PARD3: variants seen among roughly 807,000 people sequenced by gnomAD.
The protein encoded by PARD3 is par-3 family cell polarity regulator, also known as partitioning defective 3 homolog.
PARD3 carries 75 observed loss-of-function variants against 155.4 expected under a neutral mutation model. The ratio of observed to expected loss-of-function variants is 0.48; its 90% CI spans 0.40 to 0.58. The LOEUF (loss-of-function observed/expected upper bound fraction) is 0.58. Ranked by LOEUF, PARD3 falls within the 20% of genes least tolerant of loss-of-function variation. The pLI, the probability that PARD3 is intolerant of heterozygous loss-of-function variation, is 0.00. For missense variants in PARD3, 1,642 were observed against 1,721.7 expected (o/e 0.95, Z 0.82); for synonymous variants, 576 against 610.5 (o/e 0.94, Z 0.83).
chr10:34,562,817 G>A (rs534582029), intron 2 of PARD3, among the ~76,000 whole-genome samples: 1 of 151,804 alleles, frequency 6.6e-6, no homozygotes, highest in South Asian at 2.1e-4. Context: ...CTGGAGTACA[G>A]TGGCTCCATC....
chr10:34,519,883 A>AACATAACATC (rs1247502593), intron 2 of PARD3, among the ~76,000 whole-genome samples: 1 of 145,568 alleles, frequency 6.9e-6, no homozygotes, highest in African/African-American at 2.5e-5. Context: ...AACATAACAT[A>AACATAACATC]AAAATAGAAA....
chr10:34,510,487 T>C (rs1447030756), intron 3 of PARD3, among the ~76,000 whole-genome samples: 1 of 152,216 alleles, frequency 6.6e-6, no homozygotes, highest in Admixed American at 6.5e-5. Context: ...CTATTATATA[T>C]TAATAATCAC....
chr10:34,126,945 G>A (rs1207126031), intron 23 of PARD3, among the ~76,000 whole-genome samples: 3 of 151,928 alleles, frequency 2.0e-5, no homozygotes, highest in Non-Finnish European at 4.4e-5. Context: ...GCTAATACAA[G>A]CCAAGTTGTC....
chr10:34,634,612 A>C (rs2092399951), intron 2 of PARD3, among the ~76,000 whole-genome samples: 1 of 152,252 alleles, frequency 6.6e-6, no homozygotes, highest in Non-Finnish European at 1.5e-5. Flanking sequence ...TTCAATAAGA[A>C]GGAAAGAAAC....
In PARD3 at chr10:34,174,448, A is replaced by T. The variant is rs188289454; in HGVS notation, c.3420-42865T>A. On this transcript the variant is annotated intron_variant, in intron 22 of 24. Coordinates refer to ENST00000374788, the MANE Select transcript of PARD3 (RefSeq NM_001184785.2). ...TGAAACTGTATTCACTACAGAAAAG[A>T]AATGCTTGTGTTACACATTGAAGGT... is the stretch of plus-strand genomic sequence containing the variant. 1.1e-4 allele frequency among the ~76,000 whole-genome samples: 16 copies of T among 152,350 alleles called. No individual in the cohort carries two copies. In the East Asian group the frequency reaches 3.1e-3, roughly 29 times the overall value.
chr10:34,185,870 T>A (rs995860696), intron 22 of PARD3, among the ~76,000 whole-genome samples: 10 of 146,088 alleles, frequency 6.8e-5, no homozygotes, highest in African/African-American at 2.5e-4. Context: ...CATAGGAATA[T>A]CCATATTACA....
intron 1 of PARD3, among the ~76,000 whole-genome samples, chr10:34,746,063 C>T (rs1043618697): frequency 3.3e-5 from 5 of 152,080 alleles, no homozygotes; most frequent in African/African-American, 1.2e-4. Flanking sequence ...GATCGCACCG[C>T]TGCACTCCAG....
Position 34,799,658 on chromosome 10 carries a change from C to T in PARD3, c.120+15218G>A, listed in dbSNP as rs75716604. On this transcript the variant is annotated intron_variant, in intron 1 of 24. Transcript: ENST00000374788. The stretch of plus-strand genomic sequence containing the variant: ...TGCACATCAGTTTGTCATGGTATAG[C>T]AACTCACTGTGCAGGCTCTGAAGTT... 3.5e-3 allele frequency among the ~76,000 whole-genome samples: 531 copies of T among 152,240 alleles called. 5 individuals are homozygous for T. The highest frequency in any genetic ancestry group is 0.011 in the African/African-American group (472 of 41,548).
intron 22 of PARD3, among the ~76,000 whole-genome samples, chr10:34,259,787 G>C (rs1035121809): frequency 6.6e-6 from 1 of 152,148 alleles, no homozygotes; most frequent in Non-Finnish European, 1.5e-5. Context: ...GAAGCAAATA[G>C]CTAGATGGTA....
At chr10:34,606,829 T>C (rs2090498841) in intron 2 of PARD3, among the ~76,000 whole-genome samples, 1 of 151,590 alleles carries the variant, frequency 6.6e-6, no homozygotes, top group East Asian at 1.9e-4. Flanking sequence ...TAGCTGGGCA[T>C]GGTGGTGCAC....
At chr10:34,622,917 A>G (rs1000335435) in intron 2 of PARD3, among the ~76,000 whole-genome samples, 6 of 151,164 alleles carry the variant, frequency 4.0e-5, no homozygotes, top group African/African-American at 1.5e-4. Context: ...TGAAGAGTGT[A>G]AAGTGGGTCT....
chr10:34,636,121 A>C (rs184928663), intron 2 of PARD3, among the ~76,000 whole-genome samples: 283 of 152,284 alleles, frequency 1.9e-3, no homozygotes, highest in African/African-American at 6.2e-3. Context: ...AAGGAAGAAG[A>C]AGAAGCCAAA....
chr10:34,596,336 G>C (rs2089253782), intron 2 of PARD3, among the ~76,000 whole-genome samples: 1 of 151,770 alleles, frequency 6.6e-6, no homozygotes, highest in African/African-American at 2.4e-5. Flanking sequence ...CCTTGTATTA[G>C]TCTGATCTCA....
At chr10:34,244,953 A>G (rs886460747) in intron 22 of PARD3, among the ~76,000 whole-genome samples, 3 of 152,182 alleles carry the variant, frequency 2.0e-5, no homozygotes, top group Non-Finnish European at 4.4e-5. Flanking sequence ...CCACAGCCCT[A>G]TGTATGAGAC....
chr10:34,486,923 G>A (rs927798441), intron 3 of PARD3, among the ~76,000 whole-genome samples: 6 of 151,872 alleles, frequency 4.0e-5, no homozygotes, highest in Non-Finnish European at 5.9e-5. Flanking sequence ...TGGCAGTCAC[G>A]GATCCTCATC....
intron 2 of PARD3, 41 bp from the exon 3 acceptor site, chr10:34,517,200 C>T: frequency 1.3e-6 from 2 of 1,563,090 alleles, no homozygotes; most frequent in Non-Finnish European, 1.7e-6. Flanking sequence ...AATAAAGGCA[C>T]TTAATTAACT....
At chr10:34,380,721 T>C (rs187523905) in intron 9 of PARD3, among the ~76,000 whole-genome samples, 3 of 152,254 alleles carry the variant, frequency 2.0e-5, no homozygotes, top group African/African-American at 7.2e-5. Flanking sequence ...TTGTCAAATA[T>C]CCTAATTTTT....
intron 1 of PARD3, among the ~76,000 whole-genome samples, chr10:34,809,618 G>A (rs746239600): frequency 1.4e-4 from 21 of 152,352 alleles, no homozygotes; most frequent in Non-Finnish European, 2.9e-4. Context: ...GTCCCAGGGG[G>A]TGGAGCAGCT....
At chr10:34,247,508 CAAACA>C (rs1490732130) in intron 22 of PARD3, among the ~76,000 whole-genome samples, 2 of 151,908 alleles carry the variant, frequency 1.3e-5, no homozygotes, top group Non-Finnish European at 2.9e-5. Context: ...AGAAACAAAA[CAAACA>C]AAACAAAAAA....
Sources: gnomAD v4.1 joint callset for allele counts (sites outside exome capture counted in the v4.1 genomes callset) on GRCh38, gnomAD v4.1.1 for gene constraint, MANE v1.5 for transcripts, NCBI Gene and HGNC (gene_info 2026-07-23, HGNC 2026-07-21) for gene names.